PPIP5K2: variants seen among roughly 807,000 people sequenced by gnomAD.
PPIP5K2 encodes the protein diphosphoinositol pentakisphosphate kinase 2.
In PPIP5K2, 105 loss-of-function variants were observed where a neutral mutation model predicts 154.6. That is an observed-to-expected ratio of 0.68 (90% CI 0.58 to 0.80). PPIP5K2 has a LOEUF of 0.80. Among genes scored for constraint, PPIP5K2 ranks in the 30% least tolerant of loss-of-function variants. PPIP5K2 has a pLI of 0.00. For synonymous variants in PPIP5K2, 480 were observed against 490.3 expected, an observed-to-expected ratio of 0.98 and a Z score of 0.28; for missense variants, 992 against 1,504.6, an observed-to-expected ratio of 0.66 and a Z score of 5.64.
At chr5:103,171,126 C>T (rs192869737) in intron 19 of PPIP5K2, among the ~76,000 whole-genome samples, 1 of 151,388 alleles carries the variant, frequency 6.6e-6, no homozygotes, top group African/African-American at 2.4e-5. Context: ...TGCATATGGT[C>T]TATTTTAGTT....
At chr5:103,138,541 T>A (rs1554205268) in intron 5 of PPIP5K2, 72 bp downstream of exon 5, 1 of 917,482 alleles carries the variant, frequency 1.1e-6, no homozygotes, top group African/African-American at 1.7e-5. Context: ...CTTACAATAA[T>A]TAACTGGAAG....
At chr5:103,164,210 G>T (rs1796784710) in intron 17 of PPIP5K2, among the ~76,000 whole-genome samples, 1 of 151,762 alleles carries the variant, frequency 6.6e-6, no homozygotes, top group Admixed American at 6.6e-5. Context: ...GATCTATAGA[G>T]ATTTCCCTTT....
chr5:103,176,926 T>C, intron 21 of PPIP5K2: 1 of 1,441,556 alleles, frequency 6.9e-7, no homozygotes. Context: ...ATCAATAGAA[T>C]TTACATATGC....
intron 21 of PPIP5K2, among the ~76,000 whole-genome samples, chr5:103,177,228 G>A (rs1317277149): frequency 2.6e-5 from 4 of 151,848 alleles, no homozygotes; most frequent in Non-Finnish European, 5.9e-5. Context: ...TCTAATATAG[G>A]TTGAATATCT....
chr5:103,138,389 A>G lies in PPIP5K2; in HGVS notation c.407A>G (p.Glu136Gly). ...NMQYLIQDRR[E>G]VYSILQAEGI... is the part of the protein sequence containing the mutation. ...ATGTTTCCCTTTTTCTTCAGGAGAG[A>G]AGTATATAGTATTCTTCAAGCTGAA... Residue 136 changes from glutamate to glycine, a missense_variant, in exon 5 of 31, where the codon GAA becomes GGA. Physicochemically the swap from Glu to Gly is moderately conservative, Grantham distance 98 (BLOSUM62 -2). This residue lies in a region of PPIP5K2 where 153 missense variants were observed against 200.4 expected (regional missense o/e 0.76). Transcript: ENST00000358359. 1 of 1,563,674 alleles carries G rather than the reference A, an allele frequency of 6.4e-7. No individual in the cohort carries two copies. The highest frequency in any genetic ancestry group is 8.7e-7 in the Non-Finnish European group (1 of 1,143,028).
At chr5:103,148,341 TA>T (rs1794071210) in intron 7 of PPIP5K2, 3 of 297,864 alleles carry the variant, frequency 1.0e-5, no homozygotes, top group Admixed American at 4.6e-5. Context: ...GGGCATTAAA[TA>T]ATAAGATACC....
chr5:103,156,209 T>C (rs1379049628), intron 14 of PPIP5K2, among the ~76,000 whole-genome samples: 1 of 152,218 alleles, frequency 6.6e-6, no homozygotes, highest in Non-Finnish European at 1.5e-5. Flanking sequence ...ATTTTATTGT[T>C]CTGAAAACTG....
intron 1 of PPIP5K2, chr5:103,120,842 G>T (rs1351349782): frequency 1.1e-5 from 2 of 186,334 alleles, no homozygotes; most frequent in Non-Finnish European, 2.4e-5. Context: ...GACTGCTGTG[G>T]GTAGAGGTGG....
In PPIP5K2 at chr5:103,190,769, G is replaced by C. The variant is rs556781632; in HGVS notation, c.3353-73G>C. The C allele has an allele frequency of 3.8e-5, 52 of 1,381,106 alleles. 1 individual carries two copies. The African/African-American group carries it at 6.2e-4, about 16-fold the overall frequency. 85.6% of individuals were successfully genotyped at this position (1,381,106 alleles called of 1,614,324 possible). A position where few individuals can be genotyped will look rare whatever the true frequency, so the allele number is the denominator to read the frequency against. On this transcript the variant is annotated intron_variant, in intron 28 of 30. Transcript: ENST00000358359. ...CTAAACTGTCCAGTTCTAAGCAGTAGTCTTCCTTTCTAATTACTGATTTTT... is the reference window on the plus strand; with the variant it reads ...CTAAACTGTCCAGTTCTAAGCAGTACTCTTCCTTTCTAATTACTGATTTTT...
rs1180987544 is a variant in PPIP5K2, at chr5:103,187,179, T to G, written c.3290-135T>G. ...TAACTTCTTTTAACCAATATTTACC[T>G]TATTACATTCTCTCATTGTCCCTTC... On this transcript the variant is annotated intron_variant, in intron 27 of 30. Transcript: ENST00000358359. 1.3e-4 allele frequency: 78 copies of G among 601,308 alleles called. No homozygotes were observed. The Admixed American group carries it at 2.3e-3, about 17-fold the overall frequency. 37.2% of individuals were successfully genotyped at this position (601,308 alleles called of 1,614,324 possible). A position where few individuals can be genotyped will look rare whatever the true frequency, so the allele number is the denominator to read the frequency against.
intron 27 of PPIP5K2, 99 bp from the exon 28 acceptor site, chr5:103,187,215 C>T (rs1800524977): frequency 3.5e-6 from 3 of 865,664 alleles, no homozygotes; most frequent in Non-Finnish European, 5.4e-6. Flanking sequence ...TGCATGTCAC[C>T]TTTCTAACCT....
intron 17 of PPIP5K2, among the ~76,000 whole-genome samples, chr5:103,159,827 A>G (rs1795947482): frequency 6.6e-6 from 1 of 152,138 alleles, no homozygotes. Flanking sequence ...GATAAAACAT[A>G]TTGCTATTAC....
chr5:103,149,717 G>C (rs78956878), intron 8 of PPIP5K2, among the ~76,000 whole-genome samples: 1 of 116,566 alleles, frequency 8.6e-6, no homozygotes, highest in Non-Finnish European at 1.8e-5. Flanking sequence ...TTTTTTTTTT[G>C]AGACGGAGTC....
chr5:103,142,119 A>T (rs1458902440), intron 5 of PPIP5K2, among the ~76,000 whole-genome samples: 1 of 152,148 alleles, frequency 6.6e-6, no homozygotes, highest in South Asian at 2.1e-4. Context: ...GCCGCACAGG[A>T]GCCCATGGAG....
chr5:103,207,560 T>C lies in PPIP5K2; in HGVS notation c.*5926T>C, dbSNP rs1171749026. On this transcript the variant is annotated 3_prime_UTR_variant, in exon 31 of 31. Transcript: ENST00000358359. The stretch of plus-strand genomic sequence containing the variant: ...TTTCCTTCACTATGATTTTGAATTA[T>C]ATTTAATTTTAAAGTCTATATATAT... 1 of 152,090 alleles carries C rather than the reference T, an allele frequency of 6.6e-6. No individual in the cohort carries two copies. The highest frequency in any genetic ancestry group is 6.6e-5 in the Admixed American group (1 of 15,254). The allele number at this position is 152,090 out of a possible 1,614,324, so 9.4% of individuals were successfully genotyped here. A position where few individuals can be genotyped will look rare whatever the true frequency, so the allele number is the denominator to read the frequency against.
chr5:103,184,614 A>T, intron 25 of PPIP5K2, 58 bp from the exon 26 acceptor site: 1 of 1,347,186 alleles, frequency 7.4e-7, no homozygotes, highest in East Asian at 2.3e-5. Flanking sequence ...CATATGAAGT[A>T]TAGACTTATG....
chr5:103,176,639 G>T (rs1798758935), intron 21 of PPIP5K2, among the ~76,000 whole-genome samples: 2 of 140,180 alleles, frequency 1.4e-5, no homozygotes, highest in African/African-American at 4.9e-5. Flanking sequence ...TATACAAAAA[G>T]GAAATGTTGT....
intron 30 of PPIP5K2, among the ~76,000 whole-genome samples, 160 bp downstream of exon 30, chr5:103,195,185 T>C (rs554972959): frequency 2.8e-4 from 43 of 152,332 alleles, no homozygotes; most frequent in African/African-American, 9.6e-4. Flanking sequence ...TCAATTGATA[T>C]ATATTTGTTT....
At position 103,207,994 on chromosome 5, in the gene PPIP5K2, C is replaced by T. The variant is rs1454929224; in HGVS notation, c.*6360C>T. 1.3e-5 allele frequency: 2 copies of T among 150,916 alleles called. No homozygotes were observed. The highest frequency in any genetic ancestry group is 2.4e-5 in the African/African-American group (1 of 41,288). The allele number at this position is 150,916 out of a possible 1,614,324, so 9.3% of individuals were successfully genotyped here. ...TGAGATAAATTTCTTTCTGGCTCAT[C>T]TATTTGATACAATTTCTTTTTTGTT... On this transcript the variant is annotated 3_prime_UTR_variant, in exon 31 of 31. Transcript: ENST00000358359.
Sources: allele counts gnomAD v4.1 joint callset (sites outside exome capture counted in the v4.1 genomes callset), GRCh38; gene constraint gnomAD v4.1.1; regional missense constraint gnomAD v4.1.1; transcripts MANE v1.5; gene names NCBI Gene and HGNC (gene_info 2026-07-23, HGNC 2026-07-21).